The following PDE1C variants were observed in gnomAD, a reference collection of about 807,000 sequenced individuals.
PDE1C encodes dual specificity calcium/calmodulin-dependent 3',5'-cyclic nucleotide phosphodiesterase 1C.
A neutral mutation model predicts 93.1 loss-of-function variants in PDE1C; 62 were observed. That is an observed-to-expected ratio of 0.67 (90% CI 0.54 to 0.82). The LOEUF is 0.82. Among genes scored for constraint, PDE1C ranks in the 40% least tolerant of loss-of-function variants. PDE1C has a pLI of 0.00. For synonymous variants in PDE1C, 325 were observed against 310.1 expected, an observed-to-expected ratio of 1.05 and a Z score of -0.50; for missense variants, 742 against 884.6, an observed-to-expected ratio of 0.84 and a Z score of 2.04.
chr7:32,158,355 C>T (rs1801704766), intron 3 of PDE1C, among the ~76,000 whole-genome samples: 1 of 152,116 alleles, frequency 6.6e-6, no homozygotes, highest in Non-Finnish European at 1.5e-5. Flanking sequence ...AATAACAATG[C>T]TCCCATAACT....
rs1449565869 is a variant in PDE1C at position 32,134,610 on chromosome 7, G to A, written c.308+35175C>T. 1.3e-5 allele frequency among the ~76,000 whole-genome samples: 2 copies of A among 152,128 alleles called. 1 individual carries two copies. Among genetic ancestry groups the A allele is most frequent in the Non-Finnish European group, 2.9e-5 (2 of 68,020 alleles). On this transcript the variant is annotated intron_variant, in intron 3 of 18. Coordinates refer to the PDE1C transcript ENST00000396193. ...AGAATGAGTTCATGTCCTTTGCAGGGATATGGATGAAACTGGAAGCCATCA... is the reference window on the plus strand; with the variant it reads ...AGAATGAGTTCATGTCCTTTGCAGGAATATGGATGAAACTGGAAGCCATCA...
intron 2 of PDE1C, among the ~76,000 whole-genome samples, chr7:31,894,611 C>A (rs1348495238): frequency 6.6e-6 from 1 of 152,140 alleles, no homozygotes; most frequent in African/African-American, 2.4e-5. Context: ...CCCCCACATT[C>A]ACATATTTCT....
At chr7:31,786,939 A>G (rs1784045587) in intron 16 of PDE1C, 1 of 61,066 alleles carries the variant, frequency 1.6e-5, no homozygotes, top group African/African-American at 7.2e-5. Context: ...CTATCTATCT[A>G]TCTATCTATC....
At chr7:31,764,384 A>G (rs1795014965) in intron 17 of PDE1C, among the ~76,000 whole-genome samples, 1 of 152,062 alleles carries the variant, frequency 6.6e-6, no homozygotes, top group Non-Finnish European at 1.5e-5. Context: ...GACCGCGGTG[A>G]TCCAAACACC....
intron 17 of PDE1C, among the ~76,000 whole-genome samples, chr7:31,757,798 T>A: frequency 6.6e-6 from 1 of 152,164 alleles, no homozygotes; most frequent in Non-Finnish European, 1.5e-5. Flanking sequence ...CATTACTGGG[T>A]ATATACCCAA....
the PDE1C span, among the ~76,000 whole-genome samples, chr7:31,625,827 T>TA: frequency 0.11 from 15,705 of 147,992 alleles, 927 homozygotes; most frequent in Middle Eastern, 0.17. Context: ...GTCTTTTTTT[T>TA]TAAATTTTTT....
chr7:32,130,933 C>T (rs552992342), intron 3 of PDE1C, among the ~76,000 whole-genome samples: 33 of 152,204 alleles, frequency 2.2e-4, no homozygotes, highest in Non-Finnish European at 3.5e-4. Flanking sequence ...TAAGTACATA[C>T]TTATTACTAA....
At chr7:32,325,796 A>G (rs1246357637) in intron 1 of PDE1C, among the ~76,000 whole-genome samples, 1 of 152,208 alleles carries the variant, frequency 6.6e-6, no homozygotes, top group Admixed American at 6.5e-5. Context: ...CAGATTATAC[A>G]ATTATAAGGA....
intron 15 of PDE1C, among the ~76,000 whole-genome samples, chr7:31,813,735 T>C (rs940811975): frequency 6.6e-6 from 1 of 152,100 alleles, no homozygotes; most frequent in Non-Finnish European, 1.5e-5. Flanking sequence ...TGGTGATTTG[T>C]GAGATTTTGG....
chr7:32,125,894 C>A (rs568178683), intron 3 of PDE1C, among the ~76,000 whole-genome samples: 26 of 152,034 alleles, frequency 1.7e-4, no homozygotes, highest in Non-Finnish European at 3.4e-4. Flanking sequence ...AAGAAGCAAG[C>A]TGTTCTCCAG....
At chr7:32,361,707 C>T (rs1324114232) in intron 1 of PDE1C, among the ~76,000 whole-genome samples, 3 of 152,158 alleles carry the variant, frequency 2.0e-5, no homozygotes, top group Non-Finnish European at 4.4e-5. Flanking sequence ...TCCTTCCTTT[C>T]CTGCCTCGTG....
intron 2 of PDE1C, among the ~76,000 whole-genome samples, chr7:31,961,768 A>G (rs1809024395): frequency 6.6e-6 from 1 of 152,232 alleles, no homozygotes; most frequent in Admixed American, 6.5e-5. Flanking sequence ...ATACATAAAT[A>G]TATAAACACA....
intron 5 of PDE1C, among the ~76,000 whole-genome samples, chr7:31,875,834 T>TAA (rs1361677594): frequency 7.8e-6 from 1 of 127,930 alleles, no homozygotes; most frequent in African/African-American, 3.1e-5. Context: ...TATATATATA[T>TAA]AATGGAAAAA....
At chr7:32,397,417 G>A (rs552618399) in intron 1 of PDE1C, among the ~76,000 whole-genome samples, 32 of 152,146 alleles carry the variant, frequency 2.1e-4, no homozygotes, top group African/African-American at 7.2e-4. Flanking sequence ...TTAGAAGCTT[G>A]ACAACATATT....
At chr7:31,790,677 T>G (rs184759112) in intron 16 of PDE1C, among the ~76,000 whole-genome samples, 30 of 152,202 alleles carry the variant, frequency 2.0e-4, no homozygotes, top group Admixed American at 5.2e-4. Context: ...CTCCTCCCTC[T>G]CAGAATTCTT....
intron 3 of PDE1C, among the ~76,000 whole-genome samples, chr7:32,136,259 T>C (rs577933944): frequency 6.6e-6 from 1 of 152,208 alleles, no homozygotes; most frequent in Non-Finnish European, 1.5e-5. Context: ...AGTGTATACA[T>C]ATACCAAATC....
chr7:32,025,474 G>A (rs1046210298), intron 2 of PDE1C, among the ~76,000 whole-genome samples: 1 of 152,078 alleles, frequency 6.6e-6, no homozygotes, highest in African/African-American at 2.4e-5. Flanking sequence ...ACAGCTGAAG[G>A]ACACTGCTCA....
At chr7:31,852,973 A>T (rs1340902560) in intron 7 of PDE1C, among the ~76,000 whole-genome samples, 1 of 135,350 alleles carries the variant, frequency 7.4e-6, no homozygotes, top group African/African-American at 3.2e-5. Flanking sequence ...AAGGTCACGT[A>T]AAGTTAATTT....
At chr7:32,382,851 C>T (rs1210969578) in intron 1 of PDE1C, among the ~76,000 whole-genome samples, 1 of 152,220 alleles carries the variant, frequency 6.6e-6, no homozygotes, top group Admixed American at 6.5e-5. Flanking sequence ...GTCGTCTCCC[C>T]TACTCCTTGC....
Sources: allele counts gnomAD v4.1 joint callset (sites outside exome capture counted in the v4.1 genomes callset), GRCh38; gene constraint gnomAD v4.1.1; transcripts MANE v1.5; gene names NCBI Gene and HGNC (gene_info 2026-07-23, HGNC 2026-07-21).